Variants in PDE4D observed in about 807,000 individuals in gnomAD.
The protein encoded by PDE4D is 3',5'-cyclic-AMP phosphodiesterase 4D.
PDE4D carries 24 observed loss-of-function variants against 87.4 expected under a neutral mutation model. That is an observed-to-expected ratio of 0.27 (90% CI 0.20 to 0.39). PDE4D has a LOEUF of 0.39. PDE4D is among the 10% of genes least tolerant of loss of function. The pLI, the probability that PDE4D is intolerant of heterozygous loss-of-function variation, is 1.00. For synonymous variants in PDE4D, 384 were observed against 383.2 expected, an observed-to-expected ratio of 1.00 and a Z score of -0.02; for missense variants, 714 against 1,041.0, an observed-to-expected ratio of 0.69 and a Z score of 4.32.
intron 1 of PDE4D, among the ~76,000 whole-genome samples, chr5:59,251,708 C>G (rs1457931732): frequency 6.6e-6 from 1 of 152,032 alleles, no homozygotes; most frequent in East Asian, 1.9e-4. Flanking sequence ...ATCATTCTAC[C>G]ATAAAGATAC....
intron 2 of PDE4D, among the ~76,000 whole-genome samples, chr5:60,020,130 A>C (rs984547656): frequency 1.3e-5 from 2 of 152,188 alleles, no homozygotes; most frequent in Admixed American, 1.3e-4. Context: ...AGACAGAGAG[A>C]TAATAAATGG....
intron 1 of PDE4D, among the ~76,000 whole-genome samples, chr5:60,366,801 T>C (rs1000467635): frequency 2.0e-5 from 3 of 152,208 alleles, no homozygotes; most frequent in African/African-American, 7.2e-5. Context: ...TTAAACTTCA[T>C]GCAAATGAAA....
intron 3 of PDE4D, among the ~76,000 whole-genome samples, chr5:59,981,534 C>G (rs188060874): frequency 3.9e-5 from 6 of 152,194 alleles, no homozygotes; most frequent in African/African-American, 1.4e-4. Flanking sequence ...TCATCTAGCT[C>G]AAGAATACTA....
At chr5:59,391,672 TC>T (rs1788269252) in intron 1 of PDE4D, among the ~76,000 whole-genome samples, 1 of 152,030 alleles carries the variant, frequency 6.6e-6, no homozygotes, top group Non-Finnish European at 1.5e-5. Context: ...CTGTTTCATC[TC>T]CAACTTTTTC....
intron 5 of PDE4D, among the ~76,000 whole-genome samples, chr5:59,076,748 C>G (rs1054917586): frequency 1.3e-5 from 2 of 152,112 alleles, no homozygotes; most frequent in Non-Finnish European, 2.9e-5. Context: ...CACATACAAA[C>G]TAATCTCTTC....
chr5:59,977,348 G>A (rs771362604), intron 3 of PDE4D, among the ~76,000 whole-genome samples: 8 of 152,302 alleles, frequency 5.3e-5, no homozygotes, highest in South Asian at 2.1e-4. Context: ...CAAACCAGCC[G>A]CAACATTCCC....
intron 5 of PDE4D, among the ~76,000 whole-genome samples, chr5:59,041,892 T>A (rs1759748497): frequency 6.6e-6 from 1 of 152,220 alleles, no homozygotes; most frequent in Admixed American, 6.5e-5. Flanking sequence ...TCATGCACTT[T>A]ATACACAGGA....
intron 1 of PDE4D, among the ~76,000 whole-genome samples, chr5:59,642,249 A>G: frequency 6.6e-6 from 1 of 151,950 alleles, no homozygotes; most frequent in East Asian, 1.9e-4. Context: ...TTCACTTTTT[A>G]CTATATATAT....
chr5:59,294,760 A>G (rs1267460682), intron 1 of PDE4D, among the ~76,000 whole-genome samples: 1 of 152,246 alleles, frequency 6.6e-6, no homozygotes, highest in East Asian at 1.9e-4. Context: ...GGAATGAATA[A>G]AACATTATCA....
chr5:59,183,037 T>C (rs1370263542), intron 4 of PDE4D, among the ~76,000 whole-genome samples: 3 of 152,200 alleles, frequency 2.0e-5, no homozygotes, highest in Admixed American at 6.5e-5. Context: ...AGTGGCTCTG[T>C]GAGTGCCCAG....
intron 3 of PDE4D, among the ~76,000 whole-genome samples, chr5:59,967,122 G>A (rs966250766): frequency 6.6e-6 from 1 of 152,032 alleles, no homozygotes; most frequent in Non-Finnish European, 1.5e-5. Flanking sequence ...CCACGTAAGG[G>A]TTACTTTGGC....
intron 1 of PDE4D, among the ~76,000 whole-genome samples, chr5:59,777,369 A>T (rs1764181941): frequency 6.6e-6 from 1 of 152,236 alleles, no homozygotes; most frequent in African/African-American, 2.4e-5. Context: ...CTTTGTGGAC[A>T]GAAGCCTGTT....
intron 1 of PDE4D, among the ~76,000 whole-genome samples, chr5:59,600,497 C>A (rs1320686576): frequency 6.6e-6 from 1 of 152,160 alleles, no homozygotes; most frequent in African/African-American, 2.4e-5. Flanking sequence ...CTTGAAAATT[C>A]ATGTTATAAG....
chr5:59,086,504 A>AT (rs1767703990), intron 5 of PDE4D, among the ~76,000 whole-genome samples: 2 of 151,584 alleles, frequency 1.3e-5, no homozygotes, highest in African/African-American at 4.9e-5. Context: ...CTTTCTCTAT[A>AT]TTTTTGTTTT....
At chr5:59,176,776 A>G (rs1475891381) in intron 5 of PDE4D, among the ~76,000 whole-genome samples, 3 of 152,172 alleles carry the variant, frequency 2.0e-5, no homozygotes, top group Non-Finnish European at 4.4e-5. Flanking sequence ...TCAAACAACT[A>G]TGACTCAAAA....
intron 1 of PDE4D, among the ~76,000 whole-genome samples, chr5:59,678,540 A>T (rs1748490577): frequency 6.6e-6 from 1 of 152,116 alleles, no homozygotes; most frequent in Non-Finnish European, 1.5e-5. Context: ...ATTTCGGCTC[A>T]CTGCAACCTC....
intron 1 of PDE4D, among the ~76,000 whole-genome samples, chr5:60,318,435 T>C (rs1238219856): frequency 1.3e-5 from 2 of 152,214 alleles, no homozygotes; most frequent in Non-Finnish European, 2.9e-5. Flanking sequence ...TGACTCTTTA[T>C]CCAGTTTGCC....
At chr5:59,911,133 T>C (rs2152770125) in intron 3 of PDE4D, among the ~76,000 whole-genome samples, 1 of 152,364 alleles carries the variant, frequency 6.6e-6, no homozygotes, top group South Asian at 2.1e-4. Context: ...ACTCTTTTCT[T>C]GCCTGGGGAC....
intron 1 of PDE4D, among the ~76,000 whole-genome samples, chr5:60,457,986 G>A (rs1239081801): frequency 2.6e-5 from 4 of 152,130 alleles, no homozygotes; most frequent in South Asian, 2.1e-4. Context: ...TCCACTGAGC[G>A]CTTATTAGAA....
Sources: gnomAD v4.1 joint callset for allele counts (sites outside exome capture counted in the v4.1 genomes callset) on GRCh38, gnomAD v4.1.1 for gene constraint, MANE v1.5 for transcripts, NCBI Gene and HGNC (gene_info 2026-07-23, HGNC 2026-07-21) for gene names.